The following PLD2 variants were observed in gnomAD, a reference collection of about 807,000 sequenced individuals.
The protein encoded by PLD2 is phospholipase D2.
Under a neutral mutation model 119.8 loss-of-function variants are expected in PLD2, and 101 were observed. The ratio of observed to expected loss-of-function variants is 0.84; its 90% CI spans 0.72 to 0.99. The LOEUF (loss-of-function observed/expected upper bound fraction) is 0.99, where lower values mean the gene tolerates loss of function less well. Among genes scored for constraint, PLD2 ranks in the 50% least tolerant of loss-of-function variants. The pLI is 0.00. For synonymous variants in PLD2, 494 were observed against 482.8 expected (o/e 1.02, Z -0.30); for missense variants, 1,164 against 1,226.8 (o/e 0.95, Z 0.76).
chr17:4,813,626 G>A (rs911948132), intron 10 of PLD2, among the ~76,000 whole-genome samples: 4 of 152,284 alleles, frequency 2.6e-5, no homozygotes, highest in East Asian at 1.9e-4. Context: ...TTGGGAGGCC[G>A]AGGCGGGTAG....
chr17:4,817,947 G>C, intron 17 of PLD2, 55 bp from the exon 18 acceptor site: 1 of 1,257,874 alleles, frequency 7.9e-7, no homozygotes, highest in African/African-American at 1.5e-5. Flanking sequence ...AACAGAGCGA[G>C]ACTCTGTCTT....
chr17:4,821,622 T>G (rs1019199802), intron 23 of PLD2, 171 bp from the exon 24 acceptor site: 4 of 503,994 alleles, frequency 7.9e-6, no homozygotes, highest in African/African-American at 2.0e-5. Flanking sequence ...CTTGAATTCC[T>G]GAGCTCAAGC....
At chr17:4,814,568 A>C in intron 11 of PLD2, 65 bp from the exon 12 acceptor site, 1 of 1,612,920 alleles carries the variant, frequency 6.2e-7, no homozygotes, top group South Asian at 1.1e-5. Context: ...CATTAGGAGG[A>C]GAAGGGGGGT....
chr17:4,821,930 G>A (rs777313155), intron 24 of PLD2, 23 bp downstream of exon 24: 2 of 1,503,004 alleles, frequency 1.3e-6, no homozygotes, highest in Non-Finnish European at 9.3e-7. Flanking sequence ...GAGGGGTGGG[G>A]GAGAGTGGCC....
chr17:4,807,683 C>A lies in PLD2; in HGVS notation c.-1-89C>A, dbSNP rs373105038. 8 of 747,686 alleles carry A rather than the reference C, an allele frequency of 1.1e-5. No individual in the cohort carries two copies. The African/African-American group carries it at 1.4e-4, about 13-fold the overall frequency. 46.3% of individuals were successfully genotyped at this position (747,686 alleles called of 1,614,324 possible). A position where few individuals can be genotyped will look rare whatever the true frequency, so the allele number is the denominator to read the frequency against. ...GGAGGCCGTGGGGGAAGAGGAGGAT[C>A]TGGAAGAGATGGAGGACCTGCGGGA... On this transcript the variant is annotated intron_variant, in intron 1 of 24. Coordinates refer to ENST00000263088, the MANE Select transcript of PLD2 (RefSeq NM_002663.5). The surrounding 1 kb of genome is among the most constrained non-coding windows in gnomAD (Gnocchi z 5.4).
intron 19 of PLD2, 22 bp from the exon 20 acceptor site, chr17:4,818,472 T>A: frequency 6.2e-7 from 1 of 1,604,908 alleles, no homozygotes; most frequent in Non-Finnish European, 8.5e-7. Flanking sequence ...CAGTCGCACC[T>A]CTGACTCCAC....
chr17:4,809,203 C>G lies in PLD2; in HGVS notation c.487C>G (p.Gln163Glu). 6.2e-7 allele frequency: 1 copy of G among 1,614,064 alleles called. No homozygotes were observed. The highest frequency in any genetic ancestry group is 1.1e-5 in the South Asian group (1 of 91,082). Reference protein sequence around the residue: ...EGSTRHAASKQKYLENYLNRL... With the variant: ...EGSTRHAASKEKYLENYLNRL... ...CTCCACCAGACATGCAGCCAGCAAACAGGTGGGACCAGATGCCAGGTCCTC... is the reference window on the plus strand; with the variant it reads ...CTCCACCAGACATGCAGCCAGCAAAGAGGTGGGACCAGATGCCAGGTCCTC... The change falls in exon 5 of 25, where the codon CAG becomes GAG. Residue 163 changes from glutamine to glutamate, a missense_variant and splice_region_variant. Physicochemically the swap from Gln to Glu is conservative, Grantham distance 29 (BLOSUM62 2). Transcript: ENST00000263088.
chr17:4,811,332 G>C (rs1357538834), intron 10 of PLD2, among the ~76,000 whole-genome samples: 1 of 31,874 alleles, frequency 3.1e-5, no homozygotes, highest in African/African-American at 1.3e-4. Flanking sequence ...AGAGAGTTTT[G>C]TTCTGTTGAT....
chr17:4,809,081 T>C lies in PLD2; in HGVS notation c.384-19T>C, dbSNP rs1265212416. The C allele has an allele frequency of 6.3e-7, 1 of 1,594,860 alleles. No individual in the cohort carries two copies. The highest frequency in any genetic ancestry group is 8.6e-7 in the Non-Finnish European group (1 of 1,162,610). Reference sequence around the variant, plus strand: ...CAGCCTCCCAGCTCTTACCTGACCTTCATCCATCCTTTCCACAGATTTGCC... The same window carrying C: ...CAGCCTCCCAGCTCTTACCTGACCTCCATCCATCCTTTCCACAGATTTGCC... On this transcript the variant is annotated intron_variant, in intron 4 of 24. Coordinates refer to ENST00000263088, the MANE Select transcript of PLD2 (RefSeq NM_002663.5).
chr17:4,811,603 A>G (rs1906490312), intron 10 of PLD2, among the ~76,000 whole-genome samples: 1 of 152,110 alleles, frequency 6.6e-6, no homozygotes, highest in Admixed American at 6.6e-5. Context: ...CTAAGCACCT[A>G]GCAGTGCTGG....
In PLD2 at chr17:4,822,709, C is replaced by A. The variant is rs144315377; in HGVS notation, c.2647C>A (p.Pro883Thr). The A allele has an allele frequency of 6.8e-6, 11 of 1,614,018 alleles. No homozygotes were observed. Among genetic ancestry groups the A allele is most frequent in the Non-Finnish European group, 9.3e-6 (11 of 1,179,904 alleles). ...TCTCCGGGAGTACGTGGCCGTGGAGCCCTTGGCCACGGTCAGTCCCCCCTT... is the reference window on the plus strand; with the variant it reads ...TCTCCGGGAGTACGTGGCCGTGGAGACCTTGGCCACGGTCAGTCCCCCCTT... ...RTLREYVAVE[P>T]LATVSPPLAR... The change falls in exon 25 of 25, where the codon CCC (proline) becomes ACC (threonine). Residue 883 changes from proline to threonine, a missense_variant. By Grantham distance (38) the Pro-to-Thr change is conservative. Coordinates refer to ENST00000263088, the MANE Select transcript of PLD2 (RefSeq NM_002663.5).
In PLD2 at chr17:4,821,993, C is replaced by T. The variant is rs1393812465; in HGVS notation, c.2577+86C>T. The T allele has an allele frequency of 7.7e-5, 63 of 820,652 alleles. 1 individual carries two copies. The highest frequency in any genetic ancestry group is 6.2e-4 in the Middle Eastern group (2 of 3,238). 50.8% of individuals were successfully genotyped at this position (820,652 alleles called of 1,614,324 possible). On this transcript the variant is annotated intron_variant, in intron 24 of 24. Transcript: ENST00000263088. ...AGGGTAGGATGGAGAGAAGCGCCAC[C>T]ATACAGTCATTATTGGAAGGGGGAT...
At chr17:4,816,773 C>G in intron 15 of PLD2, 27 bp downstream of exon 15, 1 of 1,614,134 alleles carries the variant, frequency 6.2e-7, no homozygotes, top group East Asian at 2.2e-5. Flanking sequence ...GCCAAAGCCC[C>G]AGAGAGCTGA....
Position 4,821,923 on chromosome 17 carries a change from G to T in PLD2, c.2577+16G>T. ...CTATGAGCAGGTGGGAACTTGGGAGGGGTGGGGGAGAGTGGCCTGGGGAAA... is the reference window on the plus strand; with the variant it reads ...CTATGAGCAGGTGGGAACTTGGGAGTGGTGGGGGAGAGTGGCCTGGGGAAA... On this transcript the variant is annotated intron_variant, in intron 24 of 24. Coordinates refer to ENST00000263088, the MANE Select transcript of PLD2 (RefSeq NM_002663.5). 6.4e-7 allele frequency: 1 copy of T among 1,552,556 alleles called. No individual in the cohort carries two copies. The highest frequency in any genetic ancestry group is 8.9e-7 in the Non-Finnish European group (1 of 1,123,986).
At position 4,818,070 on chromosome 17, in the gene PLD2, C is replaced by T; in HGVS notation, c.1884C>T (p.His628=). ...ACTCCATCCTCAATGCCTACCTGCA[C>T]ACCATCAGGGAGAGCCAGCACTTCC... ...LENSILNAYL[H]TIRESQHFLY... The change falls in exon 18 of 25, where the codon CAC becomes CAT. Residue 628 remains histidine, a synonymous_variant. Transcript: ENST00000263088. 1.2e-6 allele frequency: 2 copies of T among 1,614,022 alleles called. No individual in the cohort carries two copies. The highest frequency in any genetic ancestry group is 1.7e-6 in the Non-Finnish European group (2 of 1,179,832).
chr17:4,812,435 C>T (rs140453772), intron 10 of PLD2, among the ~76,000 whole-genome samples: 2 of 151,874 alleles, frequency 1.3e-5, no homozygotes, highest in Non-Finnish European at 2.9e-5. Context: ...GCTAGGATTA[C>T]AGGCATATGC....
chr17:4,810,378 C>T (rs759240362), intron 9 of PLD2, among the ~76,000 whole-genome samples: 95 of 152,166 alleles, frequency 6.2e-4, no homozygotes, highest in Non-Finnish European at 2.4e-4. Context: ...GGCGCGGTGG[C>T]TCACACCTAC....
At position 4,823,228 on chromosome 17, in the gene PLD2, T is replaced by G. The variant is rs1338420413; in HGVS notation, c.*364T>G. ...CCTACTACCCATTGTTCCCTTCCTC[T>G]TCCTGCCCTTGAACCCCCTCCCTGT... On this transcript the variant is annotated 3_prime_UTR_variant, in exon 25 of 25. Transcript: ENST00000263088. 2.2e-5 allele frequency: 4 copies of G among 179,118 alleles called. No homozygotes were observed. Among genetic ancestry groups the G allele is most frequent in the South Asian group, 3.6e-4 (2 of 5,498 alleles). 11.1% of individuals were successfully genotyped at this position (179,118 alleles called of 1,614,324 possible). A position where few individuals can be genotyped will look rare whatever the true frequency, so the allele number is the denominator to read the frequency against.
intron 9 of PLD2, among the ~76,000 whole-genome samples, chr17:4,810,501 CG>C (rs1906347104): frequency 6.6e-6 from 1 of 152,024 alleles, no homozygotes; most frequent in Admixed American, 6.6e-5. Context: ...AAAAATTAGC[CG>C]GGCGTGGTGG....
Sources: gnomAD v4.1 joint callset for allele counts (sites outside exome capture counted in the v4.1 genomes callset) on GRCh38, gnomAD v4.1.1 for gene constraint, Gnocchi (gnomAD v3.1) non-coding constraint, MANE v1.5 for transcripts, NCBI Gene and HGNC (gene_info 2026-07-23, HGNC 2026-07-21) for gene names.